Variants in FBXL2 observed in about 807,000 individuals in gnomAD.
FBXL2 encodes F-box/LRR-repeat protein 2.
In FBXL2, 38 loss-of-function variants were observed where a neutral mutation model predicts 69.2. The observed-to-expected ratio is 0.55, with a 90% CI of 0.42 to 0.72. The LOEUF is 0.72. Among genes scored for constraint, FBXL2 ranks in the 30% least tolerant of loss-of-function variants. FBXL2 has a pLI of 0.00. For missense variants in FBXL2, 354 were observed against 520.3 expected, an observed-to-expected ratio of 0.68 and a Z score of 3.11; for synonymous variants, 192 against 201.3, an observed-to-expected ratio of 0.95 and a Z score of 0.39.
rs1386125314 is a variant in FBXL2 at position 33,386,133 on chromosome 3, A to G, written c.*525A>G. The stretch of plus-strand genomic sequence containing the variant: ...AATTCATAATGCCTGATAGTTTTAT[A>G]TATAGAGACTTATGTGGAAGGCATG... On this transcript the variant is annotated 3_prime_UTR_variant, in exon 15 of 15. Coordinates refer to ENST00000484457, the MANE Select transcript of FBXL2 (RefSeq NM_012157.5). The G allele has an allele frequency of 6.1e-6, 1 of 164,638 alleles. No homozygotes were observed. Among genetic ancestry groups the G allele is most frequent in the Non-Finnish European group, 1.4e-5 (1 of 74,052 alleles). The allele number at this position is 164,638 out of a possible 1,614,324, so 10.2% of individuals were successfully genotyped here.
At chr3:33,339,827 A>C (rs1318541991) in intron 2 of FBXL2, among the ~76,000 whole-genome samples, 14 of 152,222 alleles carry the variant, frequency 9.2e-5, no homozygotes, top group Admixed American at 9.2e-4. Context: ...AGATGTGCAC[A>C]AGGATATTTA....
intron 2 of FBXL2, among the ~76,000 whole-genome samples, chr3:33,320,106 G>A (rs993483596): frequency 2.0e-5 from 3 of 152,092 alleles, no homozygotes; most frequent in East Asian, 3.8e-4. Flanking sequence ...TTTTGGGGGG[G>A]ACATTTAAAA....
chr3:33,410,620 T>C, the FBXL2 span, among the ~76,000 whole-genome samples: 1 of 152,254 alleles, frequency 6.6e-6, no homozygotes, highest in African/African-American at 2.4e-5. Flanking sequence ...ACCTACCTGG[T>C]AGTTTAAATT....
At chr3:33,380,499 T>A (rs781389505) in intron 13 of FBXL2, among the ~76,000 whole-genome samples, 4 of 147,894 alleles carry the variant, frequency 2.7e-5, no homozygotes, top group African/African-American at 5.0e-5. Flanking sequence ...GGGAGATTGC[T>A]GTGAGCTGAG....
At position 33,402,820 on chromosome 3, in the gene FBXL2, T is replaced by G. The variant is rs774450171; in HGVS notation, n.1215-414T>G. The G allele has an allele frequency of 1.4e-5, 23 of 1,594,354 alleles. No homozygotes were observed. The highest frequency in any genetic ancestry group is 2.7e-5 in the African/African-American group (2 of 73,742). On this transcript the variant is annotated intron_variant and non_coding_transcript_variant, in intron 12 of 12. Transcript: ENST00000463736. ...AGATACCTGTCTGGGACACTGCAAG[T>G]GCTCTGCTGTGGGGAGGTGAAAGTG... is the stretch of plus-strand genomic sequence containing the variant.
At chr3:33,419,577 G>A in the FBXL2 span, among the ~76,000 whole-genome samples, 15 of 148,998 alleles carry the variant, frequency 1.0e-4, no homozygotes, top group East Asian at 2.8e-3. Context: ...GCGGTGAGCC[G>A]AGATCGCGCC....
At chr3:33,366,749 G>A (rs1310073293) in intron 5 of FBXL2, among the ~76,000 whole-genome samples, 1 of 152,060 alleles carries the variant, frequency 6.6e-6, no homozygotes, top group Non-Finnish European at 1.5e-5. Flanking sequence ...TGGATCACTA[G>A]GTCAGGAGAT....
chr3:33,337,002 C>G (rs902385565), intron 2 of FBXL2, among the ~76,000 whole-genome samples: 2 of 152,020 alleles, frequency 1.3e-5, no homozygotes, highest in South Asian at 2.1e-4. Context: ...CTCAGGAGTT[C>G]GAGACCAGCC....
At chr3:33,420,444 G>T in the FBXL2 span, among the ~76,000 whole-genome samples, 1 of 150,104 alleles carries the variant, frequency 6.7e-6, no homozygotes. Flanking sequence ...TCATGCCTCA[G>T]CCTCCCAAGT....
intron 2 of FBXL2, among the ~76,000 whole-genome samples, chr3:33,349,523 T>G (rs1279501650): frequency 6.6e-6 from 1 of 152,194 alleles, no homozygotes; most frequent in Non-Finnish European, 1.5e-5. Context: ...TGTTGAGAAT[T>G]TTTGCATCAA....
intron 2 of FBXL2, among the ~76,000 whole-genome samples, chr3:33,332,703 A>G (rs1470649940): frequency 6.6e-6 from 1 of 152,206 alleles, no homozygotes; most frequent in East Asian, 1.9e-4. Flanking sequence ...ATGGTAGCCT[A>G]TTGCTCCTAT....
rs139277883 is a variant in FBXL2 at position 33,292,252 on chromosome 3, C to T, written c.4-5412C>T. On this transcript the variant is annotated intron_variant, in intron 1 of 14. Transcript: ENST00000484457. ...AAAATTAACTGGGTGTGGTGGTGCA[C>T]ACCTGTAATCCCAGCTTCTTGGGAG... 1.9e-3 allele frequency among the ~76,000 whole-genome samples: 294 copies of T among 152,156 alleles called. 2 individuals carry two copies. The highest frequency in any genetic ancestry group is 3.6e-3 in the Non-Finnish European group (244 of 67,988).
At chr3:33,327,956 A>AT (rs2038835063) in intron 2 of FBXL2, among the ~76,000 whole-genome samples, 1 of 36,772 alleles carries the variant, frequency 2.7e-5, no homozygotes, top group Non-Finnish European at 5.8e-5. Context: ...TAAAGAATCT[A>AT]CCAAAAAAAA....
intron 5 of FBXL2, among the ~76,000 whole-genome samples, chr3:33,370,973 C>T (rs180943242): frequency 3.0e-4 from 46 of 152,080 alleles, no homozygotes; most frequent in South Asian, 2.9e-3. Flanking sequence ...TTTAGTGATT[C>T]CAATCGCATG....
At chr3:33,332,915 A>G (rs2039281138) in intron 2 of FBXL2, among the ~76,000 whole-genome samples, 1 of 152,246 alleles carries the variant, frequency 6.6e-6, no homozygotes, top group Non-Finnish European at 1.5e-5. Flanking sequence ...ATTCAGCCAT[A>G]AAAAGGAAAG....
chr3:33,290,029 G>T (rs1429873897), intron 1 of FBXL2, among the ~76,000 whole-genome samples: 1 of 152,118 alleles, frequency 6.6e-6, no homozygotes, highest in Non-Finnish European at 1.5e-5. Flanking sequence ...GGCACAGAAA[G>T]CAGAAGGTGC....
At chr3:33,320,568 G>A (rs2038109512) in intron 2 of FBXL2, among the ~76,000 whole-genome samples, 1 of 151,374 alleles carries the variant, frequency 6.6e-6, no homozygotes, top group South Asian at 2.1e-4. Flanking sequence ...TGCAACCTCT[G>A]CCTCCAGGTT....
rs529229244 is a variant in FBXL2, at chr3:33,357,055, C to T, written c.66-1912C>T. ...TTACTTAACCTCTATGCTCAGTGTC[C>T]TTATCTGTAAAATGGAGATAGTAAT... is the stretch of plus-strand genomic sequence containing the variant. On this transcript the variant is annotated intron_variant, in intron 2 of 14. Coordinates refer to ENST00000484457, the MANE Select transcript of FBXL2 (RefSeq NM_012157.5). 1.6e-4 allele frequency among the ~76,000 whole-genome samples: 25 copies of T among 152,224 alleles called. No homozygotes were observed. The South Asian group carries it at 4.4e-3, about 27-fold the overall frequency.
chr3:33,345,037 T>G (rs541975619), intron 2 of FBXL2, among the ~76,000 whole-genome samples: 1 of 152,356 alleles, frequency 6.6e-6, no homozygotes, highest in Admixed American at 6.5e-5. Flanking sequence ...GAAAGTCTTA[T>G]GTTAACTTTT....
Sources: allele counts gnomAD v4.1 joint callset (sites outside exome capture counted in the v4.1 genomes callset), GRCh38; gene constraint gnomAD v4.1.1; transcripts MANE v1.5; gene names NCBI Gene and HGNC (gene_info 2026-07-23, HGNC 2026-07-21).